Variants in KHDRBS2 observed in about 807,000 individuals in gnomAD.
The protein encoded by KHDRBS2 is KH RNA binding domain containing, signal transduction associated 2, also known as KH domain-containing, RNA-binding, signal transduction-associated protein 2.
KHDRBS2 carries 26 observed loss-of-function variants against 44.3 expected under a neutral mutation model. The ratio of observed to expected loss-of-function variants is 0.59; its 90% CI spans 0.43 to 0.81. The LOEUF (loss-of-function observed/expected upper bound fraction) is 0.81, where lower values mean the gene tolerates loss of function less well. KHDRBS2 is among the 40% of genes least tolerant of loss of function. KHDRBS2 has a pLI of 0.00. For synonymous variants in KHDRBS2, 194 were observed against 151.1 expected, an observed-to-expected ratio of 1.28 and a Z score of -2.08; for missense variants, 476 against 433.1, an observed-to-expected ratio of 1.10 and a Z score of -0.88.
intron 2 of KHDRBS2, among the ~76,000 whole-genome samples, chr6:62,151,009 C>T (rs1006660541): frequency 6.6e-6 from 1 of 152,106 alleles, no homozygotes; most frequent in Non-Finnish European, 1.5e-5. Context: ...CTTCTCACCC[C>T]ATCACCTCAC....
chr6:62,259,551 G>A (rs1483892220), intron 1 of KHDRBS2, among the ~76,000 whole-genome samples: 2 of 151,642 alleles, frequency 1.3e-5, no homozygotes, highest in East Asian at 3.9e-4. Flanking sequence ...GTTTCTCAAT[G>A]TTTTATTTTG....
At chr6:62,238,052 CAAAA>C (rs398048582) in intron 1 of KHDRBS2, among the ~76,000 whole-genome samples, 4 of 116,784 alleles carry the variant, frequency 3.4e-5, no homozygotes, top group African/African-American at 3.4e-5. Flanking sequence ...GACTCTGTCT[CAAAA>C]AAAAAAAAAA....
At chr6:62,103,087 G>A (rs1029847158) in intron 2 of KHDRBS2, among the ~76,000 whole-genome samples, 6 of 152,068 alleles carry the variant, frequency 3.9e-5, no homozygotes, top group Non-Finnish European at 7.4e-5. Flanking sequence ...ACAGCCATGG[G>A]AAGGCCTGGA....
rs541599626 is a variant in KHDRBS2, at chr6:61,954,424, T to C, written c.483+23642A>G. ...ATGTATGCATGCATACATATATACG[T>C]ATGTATGCATGCATACATATATACG... is the stretch of plus-strand genomic sequence containing the variant. On this transcript the variant is annotated intron_variant, in intron 4 of 8. Coordinates refer to ENST00000281156, the MANE Select transcript of KHDRBS2 (RefSeq NM_152688.4). Among the ~76,000 whole-genome samples, 94 of 146,214 alleles carry C rather than the reference T, an allele frequency of 6.4e-4. 1 individual carries two copies. Among genetic ancestry groups the C allele is most frequent in the African/African-American group, 2.3e-3 (91 of 40,372 alleles).
intron 8 of KHDRBS2, among the ~76,000 whole-genome samples, chr6:61,696,768 T>C (rs182174067): frequency 2.8e-4 from 42 of 152,312 alleles, no homozygotes; most frequent in Admixed American, 3.9e-4. Context: ...TATTTGGCTA[T>C]GCATGCTAGA....
At chr6:61,779,989 C>A (rs578023037) in intron 6 of KHDRBS2, among the ~76,000 whole-genome samples, 2 of 152,026 alleles carry the variant, frequency 1.3e-5, no homozygotes, top group South Asian at 4.2e-4. Context: ...AGCTAAATTT[C>A]AGTACACTAC....
At chr6:61,598,079 C>A in the KHDRBS2 span, among the ~76,000 whole-genome samples, 1 of 150,614 alleles carries the variant, frequency 6.6e-6, no homozygotes. Flanking sequence ...GTGTCTCCCC[C>A]ACCTCCACCC....
chr6:61,979,576 G>C (rs1434424790), intron 3 of KHDRBS2, among the ~76,000 whole-genome samples: 1 of 152,086 alleles, frequency 6.6e-6, no homozygotes, highest in Non-Finnish European at 1.5e-5. Flanking sequence ...CTGCGTTCCT[G>C]TATATATACC....
rs1288996812 is a variant in KHDRBS2 at position 62,228,825 on chromosome 6, C to T, written c.92-51513G>A. Among the ~76,000 whole-genome samples the T allele has an allele frequency of 2.0e-5, 3 of 152,048 alleles. No individual in the cohort carries two copies. The East Asian group carries it at 5.8e-4, about 29-fold the overall frequency. On this transcript the variant is annotated intron_variant, in intron 1 of 8. Coordinates refer to ENST00000281156, the MANE Select transcript of KHDRBS2 (RefSeq NM_152688.4). ...ATTCAGGAGCTGATTTGCTCCTGTG[C>T]CTGGAGATGTCACTCGAGGAAGCTG...
At chr6:61,955,681 T>C (rs1341620506) in intron 4 of KHDRBS2, among the ~76,000 whole-genome samples, 3 of 125,244 alleles carry the variant, frequency 2.4e-5, no homozygotes, top group Non-Finnish European at 5.0e-5. Context: ...TACACATATG[T>C]ATGTATACAT....
the KHDRBS2 span, among the ~76,000 whole-genome samples, chr6:61,556,825 T>C: frequency 1.3e-5 from 2 of 150,464 alleles, no homozygotes; most frequent in Admixed American, 1.3e-4. Context: ...TTAATAAAAT[T>C]AATAATAGTT....
At chr6:61,545,045 C>T in the KHDRBS2 span, among the ~76,000 whole-genome samples, 28,405 of 151,730 alleles carry the variant, frequency 0.19, 2,995 homozygotes, top group East Asian at 0.3. Flanking sequence ...CAAACCTGCA[C>T]GTTGGGCACA....
chr6:61,693,836 A>T (rs1767626002), intron 8 of KHDRBS2, among the ~76,000 whole-genome samples: 1 of 152,156 alleles, frequency 6.6e-6, no homozygotes, highest in African/African-American at 2.4e-5. Flanking sequence ...AAGACTCGGG[A>T]TTATAGAGGT....
chr6:61,949,230 T>C lies in KHDRBS2; in HGVS notation c.483+28836A>G, dbSNP rs553726541. 7.2e-5 allele frequency among the ~76,000 whole-genome samples: 11 copies of C among 152,278 alleles called. No homozygotes were observed. The South Asian group carries it at 2.3e-3, about 32-fold the overall frequency. On this transcript the variant is annotated intron_variant, in intron 4 of 8. Coordinates refer to ENST00000281156, the MANE Select transcript of KHDRBS2 (RefSeq NM_152688.4). ...TTAAAGCTACTCAATTTATCTTAAA[T>C]GAACCTGGTATTATTTTGACTTGTG...
At chr6:62,202,750 G>A (rs1827248190) in intron 1 of KHDRBS2, among the ~76,000 whole-genome samples, 1 of 152,028 alleles carries the variant, frequency 6.6e-6, no homozygotes, top group African/African-American at 2.4e-5. Context: ...AAAAGTACAT[G>A]GTTCTGTGAG....
rs2127537087 is a variant in KHDRBS2, at chr6:61,679,966, T to G, written c.*997A>C. On this transcript the variant is annotated 3_prime_UTR_variant, in exon 9 of 9. Coordinates refer to ENST00000281156, the MANE Select transcript of KHDRBS2 (RefSeq NM_152688.4). ...GCAAGATAAAGCTTAGAGGATAGTT[T>G]AAAATCCATTTATTATTCTAAATCC... 6.6e-6 allele frequency: 1 copy of G among 152,086 alleles called. No individual in the cohort carries two copies. Among genetic ancestry groups the G allele is most frequent in the East Asian group, 2.0e-4 (1 of 5,128 alleles). The allele number at this position is 152,086 out of a possible 1,614,324, so 9.4% of individuals were successfully genotyped here.
chr6:62,000,041 G>T (rs1467776103), intron 3 of KHDRBS2, among the ~76,000 whole-genome samples: 12 of 151,990 alleles, frequency 7.9e-5, no homozygotes, highest in Non-Finnish European at 1.6e-4. Context: ...TATCATATCA[G>T]ATAATGTCTT....
Position 61,881,537 on chromosome 6 carries a change from T to C in KHDRBS2, c.810+13098A>G, listed in dbSNP as rs1422150066. On this transcript the variant is annotated intron_variant, in intron 6 of 8. Coordinates refer to ENST00000281156, the MANE Select transcript of KHDRBS2 (RefSeq NM_152688.4). ...GAAGAGACAGTGAGAAAATTCAACA[T>C]CTCGACAGGCAGAGTACAGGGATTT... 2.0e-5 allele frequency among the ~76,000 whole-genome samples: 3 copies of C among 151,948 alleles called. No individual in the cohort carries two copies. The East Asian group carries it at 5.8e-4, about 29-fold the overall frequency.
intron 6 of KHDRBS2, among the ~76,000 whole-genome samples, chr6:61,812,057 T>C (rs1160843367): frequency 6.6e-6 from 1 of 152,104 alleles, no homozygotes; most frequent in African/African-American, 2.4e-5. Flanking sequence ...AAGATCTTTG[T>C]ATCTTTCAGG....
Sources: gnomAD v4.1 joint callset for allele counts (sites outside exome capture counted in the v4.1 genomes callset) on GRCh38, gnomAD v4.1.1 for gene constraint, MANE v1.5 for transcripts, NCBI Gene and HGNC (gene_info 2026-07-23, HGNC 2026-07-21) for gene names.